ACSM3: variants seen among roughly 807,000 people sequenced by gnomAD.
ACSM3 encodes the protein acyl-coenzyme A synthetase ACSM3, mitochondrial.
In ACSM3, 61 loss-of-function variants were observed where a neutral mutation model predicts 74.1. The ratio of observed to expected loss-of-function variants is 0.82; its 90% confidence interval spans 0.67 to 1.02. The LOEUF (loss-of-function observed/expected upper bound fraction) is 1.02, where lower values mean the gene tolerates loss of function less well. Ranked by LOEUF, ACSM3 falls within the 50% of genes least tolerant of loss-of-function variation. The pLI is 0.00. For synonymous variants in ACSM3, 213 were observed against 241.5 expected (o/e 0.88, Z 1.09); for missense variants, 660 against 697.0 (o/e 0.95, Z 0.60).
At position 20,780,600 on chromosome 16, in the gene ACSM3, G is replaced by A. The variant is rs753782085; in HGVS notation, c.639-114G>A. The A allele has an allele frequency of 2.5e-6, 4 of 1,604,294 alleles. No individual in the cohort carries two copies. In the African/African-American group the frequency reaches 5.4e-5, roughly 21 times the overall value. ...CCCTGTAATTCAAGCTAAGCCACTGGCACCTGATTCATGACATGAAGAGGT... is the reference window on the plus strand; with the variant it reads ...CCCTGTAATTCAAGCTAAGCCACTGACACCTGATTCATGACATGAAGAGGT... On this transcript the variant is annotated intron_variant, in intron 4 of 13. Coordinates refer to ENST00000289416, the MANE Select transcript of ACSM3 (RefSeq NM_005622.4).
At chr16:20,747,676 T>C (rs1420812438) in intron 1 of ACSM3, among the ~76,000 whole-genome samples, 1 of 152,222 alleles carries the variant, frequency 6.6e-6, no homozygotes, top group East Asian at 1.9e-4. Context: ...CAGTCAATGC[T>C]CCAAAGAATG....
At chr16:20,724,329 A>G (rs1480605746) in intron 1 of ACSM3, among the ~76,000 whole-genome samples, 3 of 152,144 alleles carry the variant, frequency 2.0e-5, no homozygotes, top group Admixed American at 6.5e-5. Flanking sequence ...AAAATTCAAC[A>G]CCCTTCATGC....
At chr16:20,730,629 AAT>A (rs747945010) in intron 1 of ACSM3, among the ~76,000 whole-genome samples, 15 of 152,152 alleles carry the variant, frequency 9.9e-5, no homozygotes, top group Non-Finnish European at 1.9e-4. Context: ...CATTCTCAGA[AAT>A]AGTTTCCTCC....
chr16:20,777,719 A>G lies in ACSM3; in HGVS notation c.638+139A>G, dbSNP rs964904004. 4.4e-5 allele frequency: 33 copies of G among 752,574 alleles called. No individual in the cohort carries two copies. The African/African-American group carries it at 4.4e-4, about 10-fold the overall frequency. The allele number at this position is 752,574 out of a possible 1,614,324, so 46.6% of individuals were successfully genotyped here. ...ACAGTTGGTAGTTATTGCTGCACTA[A>G]TAGTGCTAAACTCTGAAGTAGGAAG... On this transcript the variant is annotated intron_variant, in intron 4 of 13. Transcript: ENST00000289416.
At chr16:20,677,226 T>TAA (rs34392148) in intron 1 of ACSM3, among the ~76,000 whole-genome samples, 85 of 130,074 alleles carry the variant, frequency 6.5e-4, no homozygotes, top group African/African-American at 1.2e-3. Flanking sequence ...TTAAAGAAAT[T>TAA]AAAAAAAAAA....
At chr16:20,713,824 C>T (rs2152380927) in intron 1 of ACSM3, among the ~76,000 whole-genome samples, 1 of 152,246 alleles carries the variant, frequency 6.6e-6, no homozygotes, top group Admixed American at 6.5e-5. Flanking sequence ...CTTTGAAGTG[C>T]CATAACTCCA....
chr16:20,760,888 C>T (rs1567341045), upstream of ACSM3, among the ~76,000 whole-genome samples: 1 of 147,082 alleles, frequency 6.8e-6, no homozygotes. Flanking sequence ...AGGCCTGCTA[C>T]CTGGAGGCTT....
chr16:20,782,357 C>T (rs907447124), intron 7 of ACSM3, among the ~76,000 whole-genome samples: 1 of 152,098 alleles, frequency 6.6e-6, no homozygotes, highest in Non-Finnish European at 1.5e-5. Flanking sequence ...AAGCAGTATA[C>T]ACTGTACTCA....
At chr16:20,705,977 C>T (rs1484790844) in intron 1 of ACSM3, among the ~76,000 whole-genome samples, 1 of 151,864 alleles carries the variant, frequency 6.6e-6, no homozygotes, top group Non-Finnish European at 1.5e-5. Flanking sequence ...TATTGGAGAT[C>T]TAAGAAATTT....
intron 12 of ACSM3, among the ~76,000 whole-genome samples, chr16:20,794,098 A>G (rs1446630429): frequency 6.6e-6 from 1 of 152,170 alleles, no homozygotes; most frequent in Non-Finnish European, 1.5e-5. Flanking sequence ...CAAACGAGGT[A>G]TCCATGAACA....
At chr16:20,769,831 A>G (rs2080169231) in intron 1 of ACSM3, among the ~76,000 whole-genome samples, 153 bp from the exon 2 acceptor site, 2 of 152,214 alleles carry the variant, frequency 1.3e-5, no homozygotes, top group African/African-American at 4.8e-5. Flanking sequence ...AAGTGTCTAT[A>G]AAACACTGAG....
chr16:20,711,105 AG>A (rs978218980), intron 1 of ACSM3, among the ~76,000 whole-genome samples: 10 of 152,236 alleles, frequency 6.6e-5, no homozygotes, highest in African/African-American at 2.4e-4. Context: ...AAAAAAAAAA[AG>A]ATTCAAATAT....
intron 1 of ACSM3, among the ~76,000 whole-genome samples, chr16:20,732,044 A>T (rs1445257010): frequency 6.6e-6 from 1 of 152,200 alleles, no homozygotes; most frequent in Non-Finnish European, 1.5e-5. Flanking sequence ...TAGGGACAGC[A>T]CTTGACTCAT....
chr16:20,684,126 C>CA (rs1391570557), intron 1 of ACSM3, among the ~76,000 whole-genome samples: 2 of 151,812 alleles, frequency 1.3e-5, no homozygotes, highest in African/African-American at 4.8e-5. Context: ...TCTATATAGA[C>CA]AAAAAATAAG....
At chr16:20,678,632 C>T (rs576041638) in intron 1 of ACSM3, among the ~76,000 whole-genome samples, 18 of 152,336 alleles carry the variant, frequency 1.2e-4, no homozygotes, top group African/African-American at 4.3e-4. Flanking sequence ...CAGATTTGGA[C>T]TGCCTCTAAC....
In ACSM3 at chr16:20,790,578, T is replaced by C; in HGVS notation, c.1225-9T>C. On this transcript the variant is annotated splice_polypyrimidine_tract_variant and intron_variant, in intron 9 of 13. Coordinates refer to ENST00000289416, the MANE Select transcript of ACSM3 (RefSeq NM_005622.4). This position sits in a 1 kb window ranked among gnomAD's most constrained non-coding sequence, Gnocchi z 4.0. ...ATTTCCTTAAATAAATTGTTCTATT[T>C]TATCCTAGATTGTAGATGTAAATGG... is the stretch of plus-strand genomic sequence containing the variant. The C allele has an allele frequency of 6.2e-7, 1 of 1,609,796 alleles. No individual in the cohort carries two copies. Among genetic ancestry groups the C allele is most frequent in the Non-Finnish European group, 8.5e-7 (1 of 1,177,070 alleles).
At chr16:20,771,078 C>T (rs992511733) in intron 2 of ACSM3, among the ~76,000 whole-genome samples, 2 of 152,236 alleles carry the variant, frequency 1.3e-5, no homozygotes, top group East Asian at 1.9e-4. Context: ...GCCACAATTC[C>T]ACTCCCTACT....
In ACSM3 at chr16:20,741,921, G is replaced by T. The variant is rs1159492926; in HGVS notation, c.-189-7989G>T. The T allele has an allele frequency of 3.9e-6, 6 of 1,533,986 alleles. No individual in the cohort carries two copies. The African/African-American group carries it at 6.8e-5, about 18-fold the overall frequency. On this transcript the variant is annotated intron_variant, in intron 1 of 3. Transcript: ENST00000561584. ...TCTGCAATCGTGAAAGGGGTGGAGTGATACCCGCCCAAGCCCCGCCTCCTG... is the reference window on the plus strand; with the variant it reads ...TCTGCAATCGTGAAAGGGGTGGAGTTATACCCGCCCAAGCCCCGCCTCCTG...
intron 9 of ACSM3, chr16:20,789,503 C>T: frequency 6.2e-7 from 1 of 1,613,680 alleles, no homozygotes; most frequent in Non-Finnish European, 8.5e-7. Flanking sequence ...GAATATTCCC[C>T]TTTTCCTGTT....
Sources: allele counts gnomAD v4.1 joint callset (sites outside exome capture counted in the v4.1 genomes callset), GRCh38; gene constraint gnomAD v4.1.1; non-coding constraint Gnocchi (gnomAD v3.1); transcripts MANE v1.5; gene names NCBI Gene and HGNC (gene_info 2026-07-23, HGNC 2026-07-21).